The following FHIT variants were observed in gnomAD, a reference collection of about 807,000 sequenced individuals.
FHIT encodes the protein fragile histidine triad diadenosine triphosphatase.
FHIT carries 19 observed loss-of-function variants against 17.9 expected under a neutral mutation model. The ratio of observed to expected loss-of-function variants is 1.06; its 90% confidence interval spans 0.74 to 1.56. FHIT has a LOEUF of 1.56. Among genes scored for constraint, FHIT ranks in the 40% most tolerant of loss-of-function variants. The pLI is 0.00. For missense variants in FHIT, 248 were observed against 189.2 expected (o/e 1.31, Z -1.82); for synonymous variants, 81 against 69.7 (o/e 1.16, Z -0.81).
chr3:60,811,019 A>G (rs1327689557), intron 4 of FHIT, among the ~76,000 whole-genome samples: 3 of 152,218 alleles, frequency 2.0e-5, no homozygotes, highest in South Asian at 2.1e-4. Context: ...GTCAAATTAC[A>G]TCATTTCTCA....
At chr3:60,515,534 G>A (rs1490799939) in intron 5 of FHIT, among the ~76,000 whole-genome samples, 1 of 150,886 alleles carries the variant, frequency 6.6e-6, no homozygotes, top group Non-Finnish European at 1.5e-5. Context: ...ACCTGGCTCT[G>A]CTTTGAAAAA....
chr3:61,168,297 C>G (rs1423388791), intron 2 of FHIT, among the ~76,000 whole-genome samples: 1 of 152,120 alleles, frequency 6.6e-6, no homozygotes, highest in Non-Finnish European at 1.5e-5. Context: ...CTGTCTGGCC[C>G]TTTACAAAAG....
At chr3:60,027,203 A>T (rs1239475274) in intron 5 of FHIT, among the ~76,000 whole-genome samples, 1 of 151,904 alleles carries the variant, frequency 6.6e-6, no homozygotes, top group Non-Finnish European at 1.5e-5. Context: ...AACTTACAAG[A>T]TTTCTATATA....
intron 4 of FHIT, among the ~76,000 whole-genome samples, chr3:60,821,057 C>T (rs991177292): frequency 1.3e-4 from 19 of 151,928 alleles, no homozygotes; most frequent in Admixed American, 2.6e-4. Flanking sequence ...CTCACTGCAA[C>T]CTCCACCTCC....
chr3:60,176,789 C>T (rs1002662475), intron 5 of FHIT, among the ~76,000 whole-genome samples: 2 of 152,256 alleles, frequency 1.3e-5, no homozygotes, highest in East Asian at 1.9e-4. Flanking sequence ...AAAAGAGCTG[C>T]GTCAATCATG....
intron 1 of FHIT, among the ~76,000 whole-genome samples, chr3:61,246,869 A>G (rs918718724): frequency 2.6e-5 from 4 of 152,130 alleles, no homozygotes; most frequent in African/African-American, 9.7e-5. Flanking sequence ...AAATTTTAAA[A>G]AAATTTAAAA....
chr3:60,181,753 C>T lies in FHIT; in HGVS notation c.104-167601G>A, dbSNP rs147996931. Among the ~76,000 whole-genome samples, 1,006 of 152,256 alleles carry T rather than the reference C, an allele frequency of 6.6e-3. 10 individuals carry two copies. The highest frequency in any genetic ancestry group is 0.023 in the African/African-American group (961 of 41,544). On this transcript the variant is annotated intron_variant, in intron 5 of 9. Coordinates refer to ENST00000492590, the MANE Select transcript of FHIT (RefSeq NM_002012.4). ...TTTTGCATTTATTGACTTTAATTTTCATTTCCATAGCTCTTTATAGCCTTC... is the reference window on the plus strand; with the variant it reads ...TTTTGCATTTATTGACTTTAATTTTTATTTCCATAGCTCTTTATAGCCTTC...
At chr3:59,782,361 A>G (rs762394067) in intron 8 of FHIT, among the ~76,000 whole-genome samples, 4 of 152,198 alleles carry the variant, frequency 2.6e-5, no homozygotes, top group Non-Finnish European at 5.9e-5. Context: ...TTTGTCCACA[A>G]AAGTTGAAAA....
At chr3:61,167,177 G>C (rs1490193115) in intron 2 of FHIT, 1 of 151,844 alleles carries the variant, frequency 6.6e-6, no homozygotes, top group African/African-American at 2.4e-5. Context: ...ATTCGATACA[G>C]GATTTTTCTT....
At chr3:59,945,756 C>A (rs1385540216) in intron 7 of FHIT, among the ~76,000 whole-genome samples, 11 of 152,082 alleles carry the variant, frequency 7.2e-5, no homozygotes. Context: ...CTGCATATGG[C>A]TAGTCAGTTA....
At chr3:61,244,062 A>G (rs1468535047) in intron 1 of FHIT, 1 of 152,166 alleles carries the variant, frequency 6.6e-6, no homozygotes, top group African/African-American at 2.4e-5. Context: ...TTCAATGTTA[A>G]ATGCACTTTA....
intron 5 of FHIT, among the ~76,000 whole-genome samples, chr3:60,521,920 C>A (rs1211121410): frequency 6.6e-6 from 1 of 152,078 alleles, no homozygotes. Context: ...GCCTTGTAAC[C>A]ATCATTTCCA....
At chr3:60,862,089 G>A (rs1373323693) in intron 3 of FHIT, among the ~76,000 whole-genome samples, 1 of 152,178 alleles carries the variant, frequency 6.6e-6, no homozygotes, top group Non-Finnish European at 1.5e-5. Context: ...ATAAGCATTG[G>A]GCTGAATATA....
chr3:60,690,759 G>A, intron 4 of FHIT: 1 of 374,374 alleles, frequency 2.7e-6, no homozygotes, highest in Non-Finnish European at 5.2e-6. Flanking sequence ...CACCATCTGT[G>A]AAGTCTCTGT....
intron 8 of FHIT, among the ~76,000 whole-genome samples, chr3:59,756,386 C>T (rs1373081184): frequency 3.3e-5 from 5 of 152,058 alleles, no homozygotes; most frequent in African/African-American, 1.2e-4. Context: ...AGGTATTAAT[C>T]GAGGCTTCTC....
intron 5 of FHIT, among the ~76,000 whole-genome samples, chr3:60,324,143 T>G (rs1251927921): frequency 6.6e-6 from 1 of 152,094 alleles, no homozygotes; most frequent in Non-Finnish European, 1.5e-5. Flanking sequence ...TTAGAAGTAT[T>G]AACTCATTTA....
intron 4 of FHIT, chr3:60,690,240 G>A (rs2040954751): frequency 1.9e-6 from 1 of 531,136 alleles, no homozygotes; most frequent in Non-Finnish European, 3.7e-6. Flanking sequence ...GCTGTCCACA[G>A]TCAGCAATAG....
At position 61,054,263 on chromosome 3, in the gene FHIT, C is replaced by A. The variant is rs568941142; in HGVS notation, c.-163-12164G>T. Among the ~76,000 whole-genome samples, 405 of 152,272 alleles carry A rather than the reference C, an allele frequency of 2.7e-3. 1 individual carries two copies. Among genetic ancestry groups the A allele is most frequent in the Non-Finnish European group, 3.1e-3 (209 of 68,014 alleles). ...CTAATGGAGGTTGTGCTAATAAATT[C>A]CCCAGCTCTGGGCTGAACAGGTGTA... is the stretch of plus-strand genomic sequence containing the variant. On this transcript the variant is annotated intron_variant, in intron 2 of 9. Coordinates refer to ENST00000492590, the MANE Select transcript of FHIT (RefSeq NM_002012.4).
At chr3:60,944,790 C>T (rs1004948188) in intron 3 of FHIT, among the ~76,000 whole-genome samples, 1 of 152,152 alleles carries the variant, frequency 6.6e-6, no homozygotes, top group Admixed American at 6.5e-5. Flanking sequence ...CATCATGTGG[C>T]TCTGAGTAGT....
Sources: allele counts gnomAD v4.1 joint callset (sites outside exome capture counted in the v4.1 genomes callset), GRCh38; gene constraint gnomAD v4.1.1; transcripts MANE v1.5; gene names NCBI Gene and HGNC (gene_info 2026-07-23, HGNC 2026-07-21).